CEP63: variants seen among roughly 807,000 people sequenced by gnomAD.
CEP63 encodes the protein centrosomal protein 63, also known as centrosomal protein of 63 kDa.
In CEP63, 84 loss-of-function variants were observed where a neutral mutation model predicts 89.1. That is an observed-to-expected ratio of 0.94 (90% CI 0.79 to 1.13). The LOEUF is 1.13. Among genes scored for constraint, CEP63 ranks in the 50% most tolerant of loss-of-function variants. CEP63 has a pLI of 0.00. For synonymous variants in CEP63, 267 were observed against 272.5 expected, an observed-to-expected ratio of 0.98 and a Z score of 0.20; for missense variants, 838 against 813.3, an observed-to-expected ratio of 1.03 and a Z score of -0.37.
the CEP63 span, among the ~76,000 whole-genome samples, chr3:134,645,306 T>C: frequency 1.1e-4 from 16 of 152,304 alleles, no homozygotes; most frequent in South Asian, 1.7e-3. Context: ...ACCCTGCCAG[T>C]GTTCCAGCCC....
the CEP63 span, among the ~76,000 whole-genome samples, chr3:134,774,991 TAC>T: frequency 6.6e-6 from 1 of 152,200 alleles, no homozygotes; most frequent in South Asian, 2.1e-4. Flanking sequence ...GGTGTATAAA[TAC>T]CCCAGCCCAT....
the CEP63 span, among the ~76,000 whole-genome samples, chr3:134,616,059 C>T: frequency 1.3e-5 from 2 of 152,124 alleles, no homozygotes; most frequent in African/African-American, 2.4e-5. Context: ...TACTGGAGGC[C>T]GACTCAAGAG....
chr3:134,609,975 A>C, the CEP63 span, among the ~76,000 whole-genome samples: 2 of 152,124 alleles, frequency 1.3e-5, no homozygotes, highest in South Asian at 4.1e-4. Context: ...AGGGAGTCAG[A>C]GTGGGGAGTT....
chr3:134,594,595 C>T, the CEP63 span, among the ~76,000 whole-genome samples: 9 of 152,134 alleles, frequency 5.9e-5, no homozygotes, highest in South Asian at 1.7e-3. Flanking sequence ...TTTTTCTCCT[C>T]TTGTAAATAT....
the CEP63 span, among the ~76,000 whole-genome samples, chr3:134,771,443 C>T: frequency 6.6e-6 from 1 of 152,204 alleles, no homozygotes; most frequent in Non-Finnish European, 1.5e-5. Flanking sequence ...GCATCAGAAC[C>T]ACCTGGAGGA....
intron 2 of CEP63, among the ~76,000 whole-genome samples, chr3:134,506,431 G>C (rs1356985098): frequency 6.6e-6 from 1 of 152,082 alleles, no homozygotes; most frequent in Non-Finnish European, 1.5e-5. Flanking sequence ...TGATGTATAG[G>C]CTTGTCTGGA....
the CEP63 span, chr3:134,643,213 C>A: frequency 9.2e-7 from 1 of 1,086,560 alleles, no homozygotes; most frequent in Non-Finnish European, 1.4e-6. Flanking sequence ...GAGGACCCTG[C>A]TCCCCATAGT....
At chr3:134,667,907 A>G in the CEP63 span, among the ~76,000 whole-genome samples, 1 of 152,236 alleles carries the variant, frequency 6.6e-6, no homozygotes, top group Admixed American at 6.5e-5. Context: ...TAGGCAACAA[A>G]TATAAATCAG....
chr3:134,610,432 C>T, the CEP63 span: 1 of 1,533,520 alleles, frequency 6.5e-7, no homozygotes, highest in South Asian at 1.2e-5. Context: ...TGTGGCTTGC[C>T]TCCAAGTCTG....
chr3:134,625,524 CT>C, the CEP63 span, among the ~76,000 whole-genome samples: 5 of 152,218 alleles, frequency 3.3e-5, no homozygotes, highest in East Asian at 9.6e-4. Context: ...AATGAATGCT[CT>C]TTGGGGAGTG....
the CEP63 span, among the ~76,000 whole-genome samples, chr3:134,778,899 A>C: frequency 1.3e-5 from 2 of 152,276 alleles, no homozygotes; most frequent in Admixed American, 6.5e-5. Context: ...ACACCTTTGC[A>C]CACTGTCTTC....
chr3:134,512,126 G>A (rs992898450), intron 3 of CEP63, among the ~76,000 whole-genome samples: 1 of 152,134 alleles, frequency 6.6e-6, no homozygotes, highest in Non-Finnish European at 1.5e-5. Flanking sequence ...GAAAATTTTG[G>A]TTGTAAGAAT....
the CEP63 span, among the ~76,000 whole-genome samples, chr3:134,652,788 C>A: frequency 1.3e-5 from 2 of 152,110 alleles, no homozygotes; most frequent in Non-Finnish European, 2.9e-5. Flanking sequence ...CCAGAGTCCC[C>A]CCAACTACCC....
At chr3:134,681,454 G>A in the CEP63 span, among the ~76,000 whole-genome samples, 1 of 152,204 alleles carries the variant, frequency 6.6e-6, no homozygotes, top group African/African-American at 2.4e-5. Flanking sequence ...ATGAGGCCCT[G>A]AACCCACATG....
At chr3:134,575,768 C>A (rs1958201405), downstream of CEP63, among the ~76,000 whole-genome samples, 1 of 152,000 alleles carries the variant, frequency 6.6e-6, no homozygotes. Flanking sequence ...TCTGCCACCA[C>A]ATCTGGCTAA....
chr3:134,566,518 G>T (rs945958554), downstream of CEP63, among the ~76,000 whole-genome samples: 1 of 152,108 alleles, frequency 6.6e-6, no homozygotes, highest in Non-Finnish European at 1.5e-5. Context: ...AATTGGAGGA[G>T]TCCAACCTCT....
chr3:134,508,042 C>G (rs1943902665), intron 3 of CEP63, among the ~76,000 whole-genome samples: 1 of 152,122 alleles, frequency 6.6e-6, no homozygotes, highest in Non-Finnish European at 1.5e-5. Flanking sequence ...CCTTTTCTAC[C>G]AGTAGGGTCA....
chr3:134,491,630 A>G (rs938712623), intron 1 of CEP63, among the ~76,000 whole-genome samples: 1 of 152,180 alleles, frequency 6.6e-6, no homozygotes, highest in Non-Finnish European at 1.5e-5. Context: ...ATATTTTGAA[A>G]AGTTTCTCTA....
At chr3:134,510,331 A>G (rs533423892) in intron 3 of CEP63, among the ~76,000 whole-genome samples, 2 of 152,296 alleles carry the variant, frequency 1.3e-5, no homozygotes, top group East Asian at 1.9e-4. Flanking sequence ...TTAAAATTAG[A>G]GTCTATATCT....
Sources: allele counts gnomAD v4.1 joint callset (sites outside exome capture counted in the v4.1 genomes callset), GRCh38; gene constraint gnomAD v4.1.1; transcripts MANE v1.5; gene names NCBI Gene and HGNC (gene_info 2026-07-23, HGNC 2026-07-21).